The following PIK3C2B variants were observed in gnomAD, a reference collection of about 807,000 sequenced individuals.
PIK3C2B encodes the protein phosphatidylinositol-4-phosphate 3-kinase catalytic subunit type 2 beta.
In PIK3C2B, 83 loss-of-function variants were observed where a neutral mutation model predicts 184.3. The observed-to-expected ratio is 0.45, with a 90% CI of 0.38 to 0.54. PIK3C2B has a LOEUF of 0.54. Among genes scored for constraint, PIK3C2B ranks in the 20% least tolerant of loss-of-function variants. The probability of loss-of-function intolerance (pLI) is 0.00; values close to 1 mark genes in which losing one functional copy is unlikely to be tolerated. For synonymous variants in PIK3C2B, 779 were observed against 837.6 expected (o/e 0.93, Z 1.21); for missense variants, 1,736 against 2,113.5 (o/e 0.82, Z 3.50).
intron 32 of PIK3C2B, among the ~76,000 whole-genome samples, 186 bp downstream of exon 32, chr1:204,425,427 T>C (rs1674692170): frequency 1.3e-5 from 2 of 152,346 alleles, no homozygotes; most frequent in African/African-American, 4.8e-5. Flanking sequence ...ATAAGCCATA[T>C]GGTCTATGTT....
intron 8 of PIK3C2B, 34 bp downstream of exon 8, chr1:204,459,844 G>A (rs375399367): frequency 4.0e-5 from 64 of 1,582,918 alleles, no homozygotes; most frequent in South Asian, 1.2e-4. Context: ...AGGAGCTTTC[G>A]GGCAGCAGGG....
At chr1:204,434,743 G>T in intron 23 of PIK3C2B, 135 bp from the exon 24 acceptor site, 1 of 626,570 alleles carries the variant, frequency 1.6e-6, no homozygotes. Flanking sequence ...TCTCACATCT[G>T]CCTGTTCATC....
chr1:204,443,927 A>G, intron 18 of PIK3C2B, 141 bp downstream of exon 18: 2 of 681,702 alleles, frequency 2.9e-6, no homozygotes, highest in Non-Finnish European at 5.4e-6. Context: ...TGAGGAAAAG[A>G]TGCTGGTCCA....
At chr1:204,462,271 C>T (rs1379742589) in intron 5 of PIK3C2B, among the ~76,000 whole-genome samples, 2 of 152,146 alleles carry the variant, frequency 1.3e-5, no homozygotes, top group African/African-American at 4.8e-5. Context: ...CCAGGGGCTC[C>T]AGGATTTGGG....
intron 11 of PIK3C2B, among the ~76,000 whole-genome samples, chr1:204,455,326 G>C (rs1654746088): frequency 6.6e-6 from 1 of 151,378 alleles, no homozygotes; most frequent in Non-Finnish European, 1.5e-5. Flanking sequence ...AAGGGGAAGG[G>C]GGTTGGGGAA....
intron 8 of PIK3C2B, among the ~76,000 whole-genome samples, chr1:204,458,546 T>G (rs943634560): frequency 1.3e-5 from 2 of 149,852 alleles, no homozygotes; most frequent in South Asian, 4.2e-4. Flanking sequence ...CAGGCTAGAG[T>G]GCAATGGCGC....
chr1:204,447,173 A>T lies in PIK3C2B; in HGVS notation c.2489+263T>A, dbSNP rs890754795. Reference sequence around the variant, plus strand: ...ATAGCACATCTGGGATGTGGGGCAGAGCTCTGGTCCTCCTGGGTAGCTGAG... The same window carrying T: ...ATAGCACATCTGGGATGTGGGGCAGTGCTCTGGTCCTCCTGGGTAGCTGAG... On this transcript the variant is annotated intron_variant, in intron 15 of 32. Transcript: ENST00000684373. This position sits in a 1 kb window ranked among gnomAD's most constrained non-coding sequence, Gnocchi z 4.1. Among the ~76,000 whole-genome samples the T allele has an allele frequency of 6.6e-6, 1 of 152,096 alleles. No individual in the cohort carries two copies. Among genetic ancestry groups the T allele is most frequent in the Non-Finnish European group, 1.5e-5 (1 of 68,002 alleles).
At chr1:204,459,046 A>G (rs973865551) in intron 8 of PIK3C2B, among the ~76,000 whole-genome samples, 2 of 150,874 alleles carry the variant, frequency 1.3e-5, no homozygotes, top group Non-Finnish European at 2.9e-5. Context: ...ATAGGGTCTC[A>G]CTCTGTCACG....
rs148284999 is a variant in PIK3C2B, at chr1:204,460,392, G to A, written c.1434C>T (p.Asp478=). The change falls in exon 7 of 33, where the codon GAC becomes GAT. Residue 478 remains aspartate (D), a synonymous_variant. Transcript: ENST00000684373. The part of the protein sequence containing the change: ...RSDLARTVND[D]QSPSTLNYLV... ...GGTAGTTCAAGGTGGAGGGGCTCTG[G>A]TCATCATTCACCTGTATAAGAAGTG... The A allele has an allele frequency of 6.8e-5, 109 of 1,613,552 alleles. No individual in the cohort carries two copies. The highest frequency in any genetic ancestry group is 8.6e-5 in the Non-Finnish European group (101 of 1,179,642).
rs779052463 is a variant in PIK3C2B, at chr1:204,433,913, C to T, written c.3723G>A (p.Ala1241=). 44 of 1,613,840 alleles carry T rather than the reference C, an allele frequency of 2.7e-5. No individual in the cohort carries two copies. Among genetic ancestry groups the T allele is most frequent in the Non-Finnish European group, 3.4e-5 (40 of 1,179,934 alleles). The change falls in exon 25 of 33, where the codon GCG becomes GCA. Residue 1241 remains alanine (A), a synonymous_variant. Transcript: ENST00000684373. This position sits in a 1 kb window ranked among gnomAD's most constrained non-coding sequence, Gnocchi z 5.0. ...GCTTGTCACCCCCGTTGATGACATA[C>T]GCCATGTCCGAGGTGAAGACAAAGG... ...RAPFVFTSDM[A]YVINGGDKPS... is the part of the protein sequence containing the mutation.
chr1:204,429,116 T>G (rs924304851), intron 29 of PIK3C2B, among the ~76,000 whole-genome samples: 7 of 151,926 alleles, frequency 4.6e-5, no homozygotes, highest in African/African-American at 1.7e-4. Flanking sequence ...CAGTCCCAGC[T>G]ACTCAGGAGA....
chr1:204,479,364 G>C (rs1430520134), intron 1 of PIK3C2B, among the ~76,000 whole-genome samples: 1 of 152,060 alleles, frequency 6.6e-6, no homozygotes, highest in Non-Finnish European at 1.5e-5. Context: ...GCCTTCCAGA[G>C]AAAGGTAGGG....
chr1:204,470,570 TG>T (rs1346052825), intron 1 of PIK3C2B, among the ~76,000 whole-genome samples: 1 of 152,230 alleles, frequency 6.6e-6, no homozygotes, highest in East Asian at 1.9e-4. Context: ...GAATGTAAAA[TG>T]GTACAACCAC....
chr1:204,463,572 C>T (rs1655503752), intron 5 of PIK3C2B, among the ~76,000 whole-genome samples: 1 of 152,110 alleles, frequency 6.6e-6, no homozygotes, highest in Admixed American at 6.6e-5. Flanking sequence ...TGGGGAGAGA[C>T]AGTAATTGTA....
chr1:204,442,550 C>G lies in PIK3C2B; in HGVS notation c.3132G>C (p.Leu1044=). The change falls in exon 20 of 33, where the codon CTG becomes CTC. Residue 1044 remains leucine (L), a synonymous_variant. Coordinates refer to ENST00000684373, the MANE Select transcript of PIK3C2B (RefSeq NM_001377334.1). Reference sequence around the variant, plus strand: ...CCCTGGGCACAATTCCCTTAACCAGCAGACTGGGGCTGAGTGGCAAGCGGC... The same window carrying G: ...CCCTGGGCACAATTCCCTTAACCAGGAGACTGGGGCTGAGTGGCAAGCGGC... ...GSCRLPLSPS[L]LVKGIVPRDC... is the part of the protein sequence containing the mutation. 1 of 1,554,698 alleles carries G rather than the reference C, an allele frequency of 6.4e-7. No individual in the cohort carries two copies. The highest frequency in any genetic ancestry group is 1.2e-5 in the South Asian group (1 of 84,240).
At chr1:204,489,736 C>T (rs1657885061) in intron 1 of PIK3C2B, 5 of 393,330 alleles carry the variant, frequency 1.3e-5, no homozygotes, top group Non-Finnish European at 1.8e-5. Context: ...CTTAGGGAGA[C>T]GTCAATAGTT....
At chr1:204,466,441 C>T (rs1478656122) in intron 2 of PIK3C2B, among the ~76,000 whole-genome samples, 4 of 147,650 alleles carry the variant, frequency 2.7e-5, no homozygotes, top group African/African-American at 1.0e-4. Context: ...TCTGGTTGAC[C>T]CTCTCTTGTT....
intron 31 of PIK3C2B, among the ~76,000 whole-genome samples, chr1:204,426,740 T>A (rs1198041387): frequency 2.0e-5 from 3 of 152,202 alleles, no homozygotes; most frequent in Non-Finnish European, 4.4e-5. Context: ...ATTTATTGAA[T>A]GAAGAGTAAA....
chr1:204,446,166 G>T, intron 15 of PIK3C2B, 22 bp from the exon 16 acceptor site: 1 of 1,520,380 alleles, frequency 6.6e-7, no homozygotes, highest in Non-Finnish European at 8.9e-7. Flanking sequence ...ACGGAAAGGA[G>T]AAGGTGGTGG....
Sources: allele counts gnomAD v4.1 joint callset (sites outside exome capture counted in the v4.1 genomes callset), GRCh38; gene constraint gnomAD v4.1.1; non-coding constraint Gnocchi (gnomAD v3.1); transcripts MANE v1.5; gene names NCBI Gene and HGNC (gene_info 2026-07-23, HGNC 2026-07-21).